Variants in STXBP2 observed in about 807,000 individuals in gnomAD.
STXBP2 encodes the protein syntaxin binding protein 2, also known as syntaxin-binding protein 2.
STXBP2 carries 47 observed loss-of-function variants against 72.2 expected under a neutral mutation model. The ratio of observed to expected loss-of-function variants is 0.65; its 90% CI spans 0.51 to 0.83. The LOEUF (loss-of-function observed/expected upper bound fraction) is 0.83. Ranked by LOEUF, STXBP2 falls within the 40% of genes least tolerant of loss-of-function variation. STXBP2 has a pLI of 0.00. For synonymous variants in STXBP2, 367 were observed against 338.7 expected (o/e 1.08, Z -0.92); for missense variants, 702 against 807.6 (o/e 0.87, Z 1.58).
the STXBP2 span, chr19:7,630,857 T>C: frequency 1.3e-6 from 2 of 1,537,264 alleles, no homozygotes; most frequent in Non-Finnish European, 1.7e-6. Flanking sequence ...GTAAGTGATC[T>C]CTTCTTCCTG....
chr19:7,635,828 T>A (rs2031508453), upstream of STXBP2, among the ~76,000 whole-genome samples: 1 of 149,454 alleles, frequency 6.7e-6, no homozygotes, highest in African/African-American at 2.5e-5. Flanking sequence ...CCTGTGACTG[T>A]CCTATTTTTA....
chr19:7,641,849 C>T lies in STXBP2; in HGVS notation c.574C>T (p.Arg192Cys), dbSNP rs571713524. 9.6e-6 allele frequency: 15 copies of T among 1,556,048 alleles called. No homozygotes were observed. Among genetic ancestry groups the T allele is most frequent in the African/African-American group, 4.1e-5 (3 of 73,288 alleles). The change falls in exon 7 of 19, where the codon CGC becomes TGC. Residue 192 changes from arginine (R) to cysteine (C), a missense_variant. Coordinates refer to ENST00000221283, the MANE Select transcript of STXBP2 (RefSeq NM_006949.4). ...TLQEYPAIRY[R>C]KGPEDTAQLA... ...GCAGGAGTACCCGGCCATCCGCTAC[C>T]GCAAGTGGGGACCCCACCCAGCCCC... is the stretch of plus-strand genomic sequence containing the variant.
chr19:7,635,452 T>C (rs924255566), upstream of STXBP2, among the ~76,000 whole-genome samples: 1 of 152,174 alleles, frequency 6.6e-6, no homozygotes, highest in Non-Finnish European at 1.5e-5. Context: ...CCTAACACTT[T>C]GGGAGGCCAA....
upstream of STXBP2, chr19:7,633,668 AGG>A (rs1204951425): frequency 1.7e-6 from 1 of 577,086 alleles, no homozygotes; most frequent in African/African-American, 1.9e-5. Context: ...CATGGTGGGT[AGG>A]GGGCAGGGCG....
At chr19:7,630,009 C>T in the STXBP2 span, 1 of 1,023,922 alleles carries the variant, frequency 9.8e-7, no homozygotes, top group Non-Finnish European at 1.3e-6. Context: ...GGTTGGAAAT[C>T]CAGGAGAGGG....
At chr19:7,633,355 A>T (rs2031411865), upstream of STXBP2, 1 of 1,513,406 alleles carries the variant, frequency 6.6e-7, no homozygotes, top group Admixed American at 2.0e-5. Flanking sequence ...CTTGTCAATC[A>T]TGGGCTCTGA....
intron 3 of STXBP2, 57 bp downstream of exon 3, chr19:7,639,157 C>T: frequency 1.3e-6 from 2 of 1,568,922 alleles, no homozygotes; most frequent in Non-Finnish European, 1.7e-6. Context: ...CCTGACTGTG[C>T]CCCTCTCCCA....
At chr19:7,647,073 T>A (rs965782392) in intron 16 of STXBP2, 89 bp from the exon 17 acceptor site, 18 of 1,388,130 alleles carry the variant, frequency 1.3e-5, no homozygotes, top group East Asian at 4.6e-5. Flanking sequence ...TCTGCCAGGA[T>A]CTTGGCCCCT....
the STXBP2 span, chr19:7,631,102 G>C: frequency 6.2e-5 from 46 of 746,998 alleles, no homozygotes; most frequent in Middle Eastern, 1.2e-3. Context: ...CAGCTGCTTG[G>C]GAGGCTGAGG....
At chr19:7,630,050 G>A in the STXBP2 span, 2 of 692,776 alleles carry the variant, frequency 2.9e-6, no homozygotes, top group Non-Finnish European at 4.5e-6. Context: ...CTCGGATTTG[G>A]GCTTCTGGGT....
At chr19:7,631,528 T>A in the STXBP2 span, 1 of 1,535,842 alleles carries the variant, frequency 6.5e-7, no homozygotes, top group Non-Finnish European at 8.7e-7. Flanking sequence ...GAGGAGAAGC[T>A]CCTTCGCGAC....
At chr19:7,632,579 CT>C (rs1033237051), upstream of STXBP2, 52 of 1,601,686 alleles carry the variant, frequency 3.2e-5, no homozygotes, top group African/African-American at 2.4e-4. This position sits in a 1 kb window ranked among gnomAD's most constrained non-coding sequence, Gnocchi z 5.2. Context: ...AACCCTACCC[CT>C]TCACCCCCAC....
chr19:7,631,091 C>G, the STXBP2 span: 246,234 of 738,184 alleles, frequency 0.33, 42,396 homozygotes, highest in Admixed American at 0.36. Flanking sequence ...GCCTATAATT[C>G]CAGCTGCTTG....
chr19:7,645,394 G>A, intron 15 of STXBP2, 88 bp downstream of exon 15: 1 of 1,269,880 alleles, frequency 7.9e-7, no homozygotes, highest in Non-Finnish European at 1.1e-6. Context: ...TTGGTGCACA[G>A]GCACGGTGTG....
chr19:7,640,421 C>T lies in STXBP2; in HGVS notation c.247-310C>T, dbSNP rs77933699. ...GTGTATATGTGTGTATGTATGTGTG[C>T]GCGCGCATCTGTGTGTGTGCATGTG... On this transcript the variant is annotated intron_variant, in intron 4 of 18. Transcript: ENST00000221283. 439 of 478,156 alleles carry T rather than the reference C, an allele frequency of 9.2e-4. 2 individuals carry two copies. Among genetic ancestry groups the T allele is most frequent in the African/African-American group, 7.7e-3 (210 of 27,268 alleles). 29.6% of individuals were successfully genotyped at this position (478,156 alleles called of 1,614,324 possible).
rs746225713 is a variant in STXBP2 at position 7,640,762 on chromosome 19, G to A, written c.278G>A (p.Gly93Glu). Reference protein sequence around the residue: ...SVQALIKDFQGTPTFTYKAAH... With the variant: ...SVQALIKDFQETPTFTYKAAH... Reference sequence around the variant, plus strand: ...CAGGCCCTGATCAAAGACTTCCAGGGGACCCCGACTTTCACCTACAAAGCG... The same window carrying A: ...CAGGCCCTGATCAAAGACTTCCAGGAGACCCCGACTTTCACCTACAAAGCG... The change falls in exon 5 of 19, where the codon GGG becomes GAG. Residue 93 changes from glycine to glutamate, a missense_variant. Physicochemically the swap from Gly to Glu is moderately conservative, Grantham distance 98. Transcript: ENST00000221283. 3 of 1,614,194 alleles carry A rather than the reference G, an allele frequency of 1.9e-6. No homozygotes were observed. The highest frequency in any genetic ancestry group is 2.2e-5 in the East Asian group (1 of 44,888).
At chr19:7,647,136 C>T in intron 16 of STXBP2, 26 bp from the exon 17 acceptor site, 1 of 1,610,078 alleles carries the variant, frequency 6.2e-7, no homozygotes, top group Non-Finnish European at 8.5e-7. Context: ...TGGGGTTCCT[C>T]CCCTAACCTG....
At chr19:7,645,956 T>C (rs2032117115) in intron 15 of STXBP2, 1 of 527,764 alleles carries the variant, frequency 1.9e-6, no homozygotes, top group Non-Finnish European at 3.4e-6. Context: ...CTTGTCTCTC[T>C]CTTTGCCTTC....
chr19:7,640,010 G>T (rs1195699355), intron 4 of STXBP2: 1 of 685,414 alleles, frequency 1.5e-6, no homozygotes, highest in Non-Finnish European at 2.6e-6. Flanking sequence ...CTATGTATGT[G>T]TCTGTGTGCA....
Sources: allele counts gnomAD v4.1 joint callset (sites outside exome capture counted in the v4.1 genomes callset), GRCh38; gene constraint gnomAD v4.1.1; non-coding constraint Gnocchi (gnomAD v3.1); transcripts MANE v1.5; gene names NCBI Gene and HGNC (gene_info 2026-07-23, HGNC 2026-07-21).